MAF: variants seen among roughly 807,000 people sequenced by gnomAD.
MAF encodes the protein transcription factor Maf.
A neutral mutation model predicts 22.0 loss-of-function variants in MAF; 10 were observed. The ratio of observed to expected loss-of-function variants is 0.45; its 90% CI spans 0.28 to 0.77. The LOEUF is 0.77. MAF is among the 30% of genes least tolerant of loss of function. The pLI is 0.12. For synonymous variants in MAF, 337 were observed against 255.8 expected, an observed-to-expected ratio of 1.32 and a Z score of -3.03; for missense variants, 544 against 548.4, an observed-to-expected ratio of 0.99 and a Z score of 0.08.
the MAF span, among the ~76,000 whole-genome samples, chr16:79,445,414 C>T: frequency 6.6e-6 from 1 of 152,288 alleles, no homozygotes; most frequent in East Asian, 1.9e-4. Flanking sequence ...TCCATTTACT[C>T]TTTACAAGAA....
the MAF span, among the ~76,000 whole-genome samples, chr16:79,443,241 G>A: frequency 7.2e-5 from 11 of 152,150 alleles, no homozygotes; most frequent in Non-Finnish European, 1.3e-4. Context: ...GTTAAACTGG[G>A]ACATTTGGTT....
At chr16:79,247,232 G>C in the MAF span, among the ~76,000 whole-genome samples, 39 of 152,200 alleles carry the variant, frequency 2.6e-4, no homozygotes, top group Non-Finnish European at 5.6e-4. Context: ...GCCTGGCCTG[G>C]TTCAAGATTC....
chr16:79,552,144 G>C, the MAF span, among the ~76,000 whole-genome samples: 1 of 152,070 alleles, frequency 6.6e-6, no homozygotes, highest in Non-Finnish European at 1.5e-5. Flanking sequence ...CAGGACAACG[G>C]GAAATGCTGG....
chr16:79,274,309 T>A, the MAF span, among the ~76,000 whole-genome samples: 5 of 151,938 alleles, frequency 3.3e-5, no homozygotes, highest in East Asian at 7.7e-4. Context: ...TGTGGCTTTA[T>A]GGCTCACAAA....
At chr16:79,527,704 G>A in the MAF span, among the ~76,000 whole-genome samples, 2 of 152,200 alleles carry the variant, frequency 1.3e-5, no homozygotes, top group Non-Finnish European at 2.9e-5. Context: ...AGGGTGTGGG[G>A]TGGTGATGTG....
the MAF span, among the ~76,000 whole-genome samples, chr16:79,520,520 G>A: frequency 1.1e-4 from 16 of 151,930 alleles, no homozygotes; most frequent in Non-Finnish European, 1.5e-4. Flanking sequence ...CGTCCCCCAG[G>A]GTTCTGAAAT....
chr16:79,585,264 G>A (rs1567556394), downstream of MAF, among the ~76,000 whole-genome samples: 1 of 152,126 alleles, frequency 6.6e-6, no homozygotes, highest in Non-Finnish European at 1.5e-5. Context: ...TGAAAATCAG[G>A]TTTCTGCTTC....
chr16:79,468,741 G>T, the MAF span, among the ~76,000 whole-genome samples: 3 of 152,278 alleles, frequency 2.0e-5, 1 homozygote, highest in African/African-American at 7.2e-5. Flanking sequence ...GAGGAAGGGG[G>T]TGGCTGAGGA....
the MAF span, among the ~76,000 whole-genome samples, chr16:79,486,018 T>G: frequency 6.6e-6 from 1 of 152,222 alleles, no homozygotes. Context: ...TGGGAGCACT[T>G]ATTGATTGCT....
At chr16:79,432,214 C>G in the MAF span, among the ~76,000 whole-genome samples, 3 of 152,172 alleles carry the variant, frequency 2.0e-5, no homozygotes, top group African/African-American at 7.2e-5. Flanking sequence ...TGCTGGCACT[C>G]ATTCTCTCTC....
chr16:79,512,601 G>A, the MAF span, among the ~76,000 whole-genome samples: 1 of 152,112 alleles, frequency 6.6e-6, no homozygotes, highest in African/African-American at 2.4e-5. Context: ...CCGGCAGTTG[G>A]GGAGCTCATT....
chr16:79,287,845 T>C, the MAF span, among the ~76,000 whole-genome samples: 1 of 152,182 alleles, frequency 6.6e-6, no homozygotes, highest in Non-Finnish European at 1.5e-5. Context: ...GAACCTCCTA[T>C]GGGTTAGCTT....
At chr16:79,407,344 C>G in the MAF span, among the ~76,000 whole-genome samples, 1 of 152,140 alleles carries the variant, frequency 6.6e-6, no homozygotes, top group Non-Finnish European at 1.5e-5. Flanking sequence ...AAGGAAACTA[C>G]CAAAATGTGA....
chr16:79,517,568 CTTTTTTTTTTTTT>C, the MAF span, among the ~76,000 whole-genome samples: 1 of 99,784 alleles, frequency 1.0e-5, no homozygotes, highest in East Asian at 3.1e-4. Flanking sequence ...ACTGTTTAGT[CTTTTTTTTTTTTT>C]TTTTTTTTTT....
the MAF span, among the ~76,000 whole-genome samples, chr16:79,556,632 C>T: frequency 6.6e-6 from 1 of 152,120 alleles, no homozygotes; most frequent in African/African-American, 2.4e-5. Context: ...GAGAGTAGAT[C>T]CTTGGGCAGC....
the MAF span, among the ~76,000 whole-genome samples, chr16:79,535,782 T>C: frequency 6.6e-6 from 1 of 151,778 alleles, no homozygotes; most frequent in Non-Finnish European, 1.5e-5. Flanking sequence ...GGTTTCACAG[T>C]GTTGGCAAGG....
At chr16:79,595,895 A>G (rs1055708) in intron 1 of MAF, 387,886 of 1,057,502 alleles carry the variant, frequency 0.37, 71,970 homozygotes, top group Middle Eastern at 0.43. Context: ...TCTTTTTCCT[A>G]TTTAAGACAA....
the MAF span, among the ~76,000 whole-genome samples, chr16:79,384,131 C>A: frequency 2.6e-5 from 4 of 152,074 alleles, no homozygotes; most frequent in African/African-American, 9.7e-5. Flanking sequence ...GGAAAGTATT[C>A]TATTTAAGCA....
the MAF span, among the ~76,000 whole-genome samples, chr16:79,390,061 T>A: frequency 6.7e-6 from 1 of 150,170 alleles, no homozygotes; most frequent in African/African-American, 2.5e-5. Flanking sequence ...AATCTTCACA[T>A]GGCATGTGTG....
Sources: allele counts gnomAD v4.1 joint callset (sites outside exome capture counted in the v4.1 genomes callset), GRCh38; gene constraint gnomAD v4.1.1; transcripts MANE v1.5; gene names NCBI Gene and HGNC (gene_info 2026-07-23, HGNC 2026-07-21).